The following ZNF385D variants were observed in gnomAD, a reference collection of about 807,000 sequenced individuals.
ZNF385D encodes zinc finger protein 385D, also known as zinc finger protein 659.
In ZNF385D, 15 loss-of-function variants were observed where a neutral mutation model predicts 35.8. The ratio of observed to expected loss-of-function variants is 0.42; its 90% confidence interval spans 0.28 to 0.64. The LOEUF (loss-of-function observed/expected upper bound fraction) is 0.64, where lower values mean the gene tolerates loss of function less well. Among genes scored for constraint, ZNF385D ranks in the 30% least tolerant of loss-of-function variants. ZNF385D has a pLI of 0.23. For missense variants in ZNF385D, 474 were observed against 494.6 expected, an observed-to-expected ratio of 0.96 and a Z score of 0.39; for synonymous variants, 212 against 186.8, an observed-to-expected ratio of 1.13 and a Z score of -1.10.
rs1178552814 is a variant in ZNF385D, at chr3:21,418,565, TATATGGCTGATGGAGAAA to T, written c.*2631_*2648del. ...GGATCCAGGTATTTCTGAGATTTCT[TATATGGCTGATGGAGAAA>T]ATATGGCTGATTCGTTTGTTCCCAG... On this transcript the variant is annotated 3_prime_UTR_variant, in exon 8 of 8. Coordinates refer to ENST00000281523, the MANE Select transcript of ZNF385D (RefSeq NM_024697.3). The T allele has an allele frequency of 6.6e-6, 1 of 152,190 alleles. No homozygotes were observed. The highest frequency in any genetic ancestry group is 1.9e-4 in the East Asian group (1 of 5,192). 9.4% of individuals were successfully genotyped at this position (152,190 alleles called of 1,614,324 possible).
intron 3 of ZNF385D, among the ~76,000 whole-genome samples, chr3:21,865,277 A>G (rs1326831449): frequency 6.6e-6 from 1 of 151,832 alleles, no homozygotes; most frequent in South Asian, 2.1e-4. Flanking sequence ...GAATCAATAC[A>G]CAGTGGAATC....
intron 4 of ZNF385D, among the ~76,000 whole-genome samples, chr3:21,498,101 A>G (rs1209342295): frequency 6.6e-6 from 1 of 152,152 alleles, no homozygotes; most frequent in African/African-American, 2.4e-5. Flanking sequence ...AAAATAAACA[A>G]AAACGAGCCA....
At chr3:21,762,411 C>T (rs1383072477) in intron 3 of ZNF385D, among the ~76,000 whole-genome samples, 5 of 152,106 alleles carry the variant, frequency 3.3e-5, no homozygotes, top group African/African-American at 4.8e-5. Context: ...AAATGCTGCT[C>T]ATCCTCAAGT....
intron 2 of ZNF385D, among the ~76,000 whole-genome samples, chr3:22,285,395 C>G (rs1359076562): frequency 1.3e-5 from 2 of 152,020 alleles, no homozygotes; most frequent in East Asian, 3.9e-4. Context: ...TTCATTTAGT[C>G]AGTGAGAAAG....
At chr3:21,915,727 A>G (rs79388565) in intron 3 of ZNF385D, among the ~76,000 whole-genome samples, 2,937 of 152,262 alleles carry the variant, frequency 0.019, 102 homozygotes, top group African/African-American at 0.067. Context: ...GGAAGGTAGA[A>G]TATCAAGGGT....
chr3:22,073,137 A>T (rs1038244010), intron 3 of ZNF385D, among the ~76,000 whole-genome samples: 1 of 152,070 alleles, frequency 6.6e-6, no homozygotes, highest in African/African-American at 2.4e-5. Context: ...AGGTGCCCTC[A>T]GAATTTACCT....
intron 2 of ZNF385D, among the ~76,000 whole-genome samples, chr3:22,356,532 G>T (rs891680870): frequency 6.6e-6 from 1 of 151,854 alleles, no homozygotes; most frequent in Admixed American, 6.6e-5. Flanking sequence ...GATTCCAGCA[G>T]GTCTTCTGTG....
intron 3 of ZNF385D, among the ~76,000 whole-genome samples, chr3:21,969,649 A>T (rs1250029428): frequency 6.6e-6 from 1 of 152,144 alleles, no homozygotes; most frequent in Non-Finnish European, 1.5e-5. Flanking sequence ...CGAGAAGGAA[A>T]CGAAGCTGGC....
chr3:21,600,204 C>T (rs1343211475), intron 2 of ZNF385D, among the ~76,000 whole-genome samples: 1 of 152,210 alleles, frequency 6.6e-6, no homozygotes, highest in Non-Finnish European at 1.5e-5. Flanking sequence ...CAGCAGCCCT[C>T]AGGGCAGCTC....
chr3:22,283,372 G>C (rs930568040), intron 2 of ZNF385D, among the ~76,000 whole-genome samples: 11 of 152,078 alleles, frequency 7.2e-5, no homozygotes, highest in African/African-American at 2.4e-4. Flanking sequence ...AACAACTGCA[G>C]AATATACATT....
At chr3:21,733,904 A>G (rs750712930) in intron 1 of ZNF385D, among the ~76,000 whole-genome samples, 17 of 152,288 alleles carry the variant, frequency 1.1e-4, no homozygotes, top group Admixed American at 7.2e-4. Context: ...ATATAAAAGT[A>G]TTGAGATTTA....
At chr3:22,350,910 T>C (rs576242372) in intron 2 of ZNF385D, among the ~76,000 whole-genome samples, 1 of 152,176 alleles carries the variant, frequency 6.6e-6, no homozygotes, top group African/African-American at 2.4e-5. Context: ...GGATATACAT[T>C]ATTTTTCACT....
At chr3:21,865,539 T>C (rs947992668) in intron 3 of ZNF385D, among the ~76,000 whole-genome samples, 16 of 152,262 alleles carry the variant, frequency 1.1e-4, no homozygotes, top group Middle Eastern at 3.4e-3. Context: ...CTTAACTATA[T>C]TGTCAATGTG....
At chr3:22,046,617 C>A (rs186903534) in intron 3 of ZNF385D, among the ~76,000 whole-genome samples, 3 of 152,026 alleles carry the variant, frequency 2.0e-5, no homozygotes, top group Admixed American at 6.6e-5. Context: ...TTCATATAAG[C>A]AATTGCAAAT....
intron 3 of ZNF385D, among the ~76,000 whole-genome samples, chr3:22,025,569 T>C (rs1697487507): frequency 6.6e-6 from 1 of 152,184 alleles, no homozygotes; most frequent in African/African-American, 2.4e-5. Flanking sequence ...AAGTAGGAAC[T>C]CTGCATTTAA....
chr3:21,971,634 A>T (rs1340052953), intron 3 of ZNF385D, among the ~76,000 whole-genome samples: 1 of 151,868 alleles, frequency 6.6e-6, no homozygotes. Context: ...ATTTAATGTA[A>T]ACAGACTAAA....
At chr3:21,719,104 T>C (rs1365147251) in intron 1 of ZNF385D, among the ~76,000 whole-genome samples, 1 of 152,186 alleles carries the variant, frequency 6.6e-6, no homozygotes, top group Non-Finnish European at 1.5e-5. Flanking sequence ...AATACAGTAC[T>C]GATAAAGCCC....
intron 2 of ZNF385D, among the ~76,000 whole-genome samples, chr3:22,350,745 G>C (rs980858396): frequency 6.6e-6 from 1 of 151,838 alleles, no homozygotes; most frequent in African/African-American, 2.4e-5. Context: ...TACACTTCTT[G>C]ACAGAGTGCT....
chr3:21,711,039 G>GGTTTTTTTTT (rs2068081805), intron 1 of ZNF385D, among the ~76,000 whole-genome samples: 2 of 83,154 alleles, frequency 2.4e-5, no homozygotes, highest in African/African-American at 1.0e-4. Context: ...CCCTCTAAAA[G>GGTTTTTTTTT]TTTTTTTTTT....
Sources: gnomAD v4.1 joint callset for allele counts (sites outside exome capture counted in the v4.1 genomes callset) on GRCh38, gnomAD v4.1.1 for gene constraint, MANE v1.5 for transcripts, NCBI Gene and HGNC (gene_info 2026-07-23, HGNC 2026-07-21) for gene names.